GPC6: variants seen among roughly 807,000 people sequenced by gnomAD.
GPC6 encodes glypican-6.
GPC6 carries 14 observed loss-of-function variants against 55.2 expected under a neutral mutation model. The ratio of observed to expected loss-of-function variants is 0.25; its 90% confidence interval spans 0.17 to 0.40. GPC6 has a LOEUF of 0.40. Ranked by LOEUF, GPC6 falls within the 10% of genes least tolerant of loss-of-function variation. The probability of loss-of-function intolerance (pLI) is 1.00; values close to 1 mark genes in which losing one functional copy is unlikely to be tolerated. For synonymous variants in GPC6, 278 were observed against 259.6 expected (o/e 1.07, Z -0.68); for missense variants, 641 against 708.5 (o/e 0.90, Z 1.08).
chr13:93,682,449 G>C (rs558372406), intron 2 of GPC6, among the ~76,000 whole-genome samples: 1 of 152,196 alleles, frequency 6.6e-6, no homozygotes, highest in East Asian at 1.9e-4. Context: ...TGCTGTCAGG[G>C]GTTTGAGCTT....
chr13:94,110,390 A>T (rs1186087787), intron 4 of GPC6, among the ~76,000 whole-genome samples: 1 of 152,020 alleles, frequency 6.6e-6, no homozygotes, highest in South Asian at 2.1e-4. Context: ...ATTTAGAAAA[A>T]CCTATCTGCC....
At chr13:93,662,440 G>A (rs1880962306) in intron 2 of GPC6, among the ~76,000 whole-genome samples, 1 of 152,098 alleles carries the variant, frequency 6.6e-6, no homozygotes, top group South Asian at 2.1e-4. Context: ...GACCAGCCTG[G>A]CCAACATGGT....
In GPC6 at chr13:94,098,215, G is replaced by A. The variant is rs79343484; in HGVS notation, c.877+70321G>A. 2.4e-3 allele frequency among the ~76,000 whole-genome samples: 361 copies of A among 152,194 alleles called. 3 individuals are homozygous for A. The highest frequency in any genetic ancestry group is 6.0e-3 in the African/African-American group (250 of 41,522). ...GGATTCTTGTTTCATAGCTTTGGCCGTATGAGGCCATGTAGTTTAATATAG... is the reference window on the plus strand; with the variant it reads ...GGATTCTTGTTTCATAGCTTTGGCCATATGAGGCCATGTAGTTTAATATAG... On this transcript the variant is annotated intron_variant, in intron 4 of 8. Coordinates refer to ENST00000377047, the MANE Select transcript of GPC6 (RefSeq NM_005708.5).
In GPC6 at chr13:94,114,745, A is replaced by C. The variant is rs138891573; in HGVS notation, c.877+86851A>C. ...CAAGGTGAAAAAGATAAGACCAAGA[A>C]CCAAAATAATCAGAAGAGAAAATAT... On this transcript the variant is annotated intron_variant, in intron 4 of 8. Coordinates refer to ENST00000377047, the MANE Select transcript of GPC6 (RefSeq NM_005708.5). Among the ~76,000 whole-genome samples the C allele has an allele frequency of 6.7e-3, 1,014 of 152,292 alleles. 11 individuals carry two copies. Among genetic ancestry groups the C allele is most frequent in the African/African-American group, 0.022 (912 of 41,564 alleles).
chr13:94,089,528 A>G (rs905812623), intron 4 of GPC6, among the ~76,000 whole-genome samples: 2 of 152,176 alleles, frequency 1.3e-5, no homozygotes, highest in African/African-American at 4.8e-5. Flanking sequence ...GACAAAGCCT[A>G]TGTAATGCAC....
At chr13:93,622,637 A>G (rs1205736965) in intron 2 of GPC6, among the ~76,000 whole-genome samples, 2 of 152,064 alleles carry the variant, frequency 1.3e-5, no homozygotes, top group Non-Finnish European at 2.9e-5. Context: ...TTTAATTGAC[A>G]TGTAATAAGT....
At chr13:93,896,865 G>A (rs1332240717) in intron 3 of GPC6, among the ~76,000 whole-genome samples, 2 of 151,924 alleles carry the variant, frequency 1.3e-5, no homozygotes, top group Non-Finnish European at 2.9e-5. Flanking sequence ...AATAAAAATA[G>A]AGAGATGTAA....
intron 2 of GPC6, among the ~76,000 whole-genome samples, chr13:93,676,139 A>ATC (rs1881609444): frequency 1.1e-4 from 1 of 8,848 alleles, no homozygotes; most frequent in African/African-American, 1.8e-4. Flanking sequence ...ATATATATAT[A>ATC]TATATATATA....
chr13:93,856,676 A>G (rs1241164500), intron 3 of GPC6, among the ~76,000 whole-genome samples: 1 of 151,674 alleles, frequency 6.6e-6, no homozygotes, highest in Non-Finnish European at 1.5e-5. Flanking sequence ...CAAGGTGGAC[A>G]TGTGTAGAAC....
At position 94,125,397 on chromosome 13, in the gene GPC6, A is replaced by AT. The variant is rs200007158; in HGVS notation, c.877+97511dup. Among the ~76,000 whole-genome samples the AT allele has an allele frequency of 7.5e-3, 1,143 of 151,962 alleles. 14 individuals carry two copies. Among genetic ancestry groups the AT allele is most frequent in the African/African-American group, 0.025 (1,025 of 41,460 alleles). ...TGATCCTATGAAAGGTGCCATGTGC[A>AT]TTTTTTTTCCCAGACTGAGGTTTCT... On this transcript the variant is annotated intron_variant, in intron 4 of 8. Transcript: ENST00000377047.
intron 1 of GPC6, among the ~76,000 whole-genome samples, chr13:93,278,843 G>A (rs1877850491): frequency 6.6e-6 from 1 of 152,004 alleles, no homozygotes; most frequent in Non-Finnish European, 1.5e-5. Flanking sequence ...AGCTACTCTT[G>A]CCACAAAAAC....
chr13:93,338,379 C>G (rs146032363), intron 1 of GPC6, among the ~76,000 whole-genome samples: 1 of 152,310 alleles, frequency 6.6e-6, no homozygotes, highest in African/African-American at 2.4e-5. Flanking sequence ...TTTGGATTTT[C>G]TCTTCTTCCT....
chr13:93,421,334 C>T (rs1219851396), intron 1 of GPC6, among the ~76,000 whole-genome samples: 1 of 152,082 alleles, frequency 6.6e-6, no homozygotes, highest in Non-Finnish European at 1.5e-5. Flanking sequence ...GCAGTTGGCT[C>T]ATGAACTTCA....
At chr13:93,382,952 C>T (rs1566328084) in intron 1 of GPC6, among the ~76,000 whole-genome samples, 1 of 152,108 alleles carries the variant, frequency 6.6e-6, no homozygotes. Flanking sequence ...CTTTCCCTCT[C>T]TCATTCCTCT....
chr13:93,499,471 CT>C (rs1880442765), intron 1 of GPC6, among the ~76,000 whole-genome samples: 2 of 152,202 alleles, frequency 1.3e-5, no homozygotes, highest in Admixed American at 6.5e-5. Context: ...TGAGAAAGAA[CT>C]GCCATCCTCA....
intron 2 of GPC6, among the ~76,000 whole-genome samples, chr13:93,694,231 CTT>C (rs2138785021): frequency 6.6e-6 from 1 of 152,170 alleles, no homozygotes; most frequent in Non-Finnish European, 1.5e-5. Flanking sequence ...CAATGTTTCT[CTT>C]TATGTGCATA....
intron 2 of GPC6, among the ~76,000 whole-genome samples, chr13:93,816,200 C>T (rs1241680927): frequency 2.0e-5 from 3 of 152,024 alleles, no homozygotes; most frequent in Non-Finnish European, 4.4e-5. Context: ...CTCCTGATTA[C>T]ATCAATTTGG....
intron 1 of GPC6, among the ~76,000 whole-genome samples, chr13:93,536,308 G>T (rs1882059489): frequency 6.6e-6 from 1 of 152,048 alleles, no homozygotes. Context: ...CATTCGTATT[G>T]TGTAATCTTC....
chr13:93,477,159 T>C (rs943879258), intron 1 of GPC6, among the ~76,000 whole-genome samples: 4 of 152,138 alleles, frequency 2.6e-5, no homozygotes, highest in African/African-American at 9.6e-5. Context: ...ACATTATTTA[T>C]ATTTAAATTT....
Sources: allele counts gnomAD v4.1 joint callset (sites outside exome capture counted in the v4.1 genomes callset), GRCh38; gene constraint gnomAD v4.1.1; transcripts MANE v1.5; gene names NCBI Gene and HGNC (gene_info 2026-07-23, HGNC 2026-07-21).